Variants in TRABD2B observed in about 807,000 individuals in gnomAD.
TRABD2B encodes the protein metalloprotease TIKI2.
A neutral mutation model predicts 40.1 loss-of-function variants in TRABD2B; 14 were observed. The observed-to-expected ratio is 0.35, with a 90% CI of 0.23 to 0.55. The LOEUF (loss-of-function observed/expected upper bound fraction) is 0.55. TRABD2B is among the 20% of genes least tolerant of loss of function. The pLI, the probability that TRABD2B is intolerant of heterozygous loss-of-function variation, is 0.90. For synonymous variants in TRABD2B, 263 were observed against 277.0 expected (o/e 0.95, Z 0.50); for missense variants, 541 against 648.6 (o/e 0.83, Z 1.80).
intron 2 of TRABD2B, among the ~76,000 whole-genome samples, chr1:47,840,029 C>T (rs992216909): frequency 1.3e-5 from 2 of 152,130 alleles, no homozygotes; most frequent in African/African-American, 2.4e-5. Flanking sequence ...GAGTGTTTAC[C>T]TCCTCGGATT....
chr1:47,950,326 G>A (rs1348172352), intron 2 of TRABD2B, among the ~76,000 whole-genome samples: 1 of 152,008 alleles, frequency 6.6e-6, no homozygotes. Context: ...GAAGAGAGAG[G>A]TAAGGTGTTC....
intron 2 of TRABD2B, among the ~76,000 whole-genome samples, chr1:47,885,164 T>C (rs988823372): frequency 1.3e-5 from 2 of 152,236 alleles, no homozygotes; most frequent in Admixed American, 6.5e-5. Context: ...CAAGGTGCCA[T>C]GCTTTCTCTC....
intron 6 of TRABD2B, 115 bp downstream of exon 6, chr1:47,775,055 C>T (rs905687559): frequency 3.7e-6 from 4 of 1,075,790 alleles, no homozygotes; most frequent in Middle Eastern, 3.4e-4. Flanking sequence ...ACCTGCCACA[C>T]TTCCTTAGAG....
chr1:47,917,469 C>G (rs1227649889), intron 2 of TRABD2B, among the ~76,000 whole-genome samples: 1 of 152,142 alleles, frequency 6.6e-6, no homozygotes, highest in Non-Finnish European at 1.5e-5. Context: ...GCCTGTAATC[C>G]CAACACTCTG....
At chr1:47,851,478 G>A (rs1645548874) in intron 2 of TRABD2B, among the ~76,000 whole-genome samples, 1 of 152,170 alleles carries the variant, frequency 6.6e-6, no homozygotes, top group African/African-American at 2.4e-5. Context: ...GGAAAAAGAG[G>A]GAGGAAGGGA....
intron 3 of TRABD2B, among the ~76,000 whole-genome samples, chr1:47,796,236 C>T (rs1463268981): frequency 6.6e-6 from 1 of 152,204 alleles, no homozygotes; most frequent in South Asian, 2.1e-4. Context: ...TCTTTCCTCA[C>T]AACCTGTCAG....
chr1:47,963,258 T>C (rs1645548255), intron 2 of TRABD2B, among the ~76,000 whole-genome samples: 1 of 152,202 alleles, frequency 6.6e-6, no homozygotes, highest in Non-Finnish European at 1.5e-5. Context: ...ATTCAAGACA[T>C]GCATGTTGAA....
intron 2 of TRABD2B, among the ~76,000 whole-genome samples, chr1:47,857,771 C>T (rs930713481): frequency 6.6e-6 from 1 of 152,062 alleles, no homozygotes; most frequent in Non-Finnish European, 1.5e-5. Context: ...AGCCACTGGC[C>T]CTTGCTTCTC....
rs116574770 is a variant in TRABD2B, at chr1:47,979,696, A to G, written c.666+14338T>C. On this transcript the variant is annotated intron_variant, in intron 2 of 6. Coordinates refer to ENST00000606738, the MANE Select transcript of TRABD2B (RefSeq NM_001194986.2). ...ACAAATAAATCACATAAAATAAGTGACACAAAATGCAGGAAATGTTATCCT... is the reference window on the plus strand; with the variant it reads ...ACAAATAAATCACATAAAATAAGTGGCACAAAATGCAGGAAATGTTATCCT... Among the ~76,000 whole-genome samples, 1,258 of 152,322 alleles carry G rather than the reference A, an allele frequency of 8.3e-3. 9 individuals carry two copies. Among genetic ancestry groups the G allele is most frequent in the Non-Finnish European group, 0.014 (938 of 68,032 alleles).
chr1:47,790,641 C>T (rs1399764609), intron 4 of TRABD2B, among the ~76,000 whole-genome samples: 5 of 152,308 alleles, frequency 3.3e-5, no homozygotes, highest in Admixed American at 1.3e-4. Context: ...GGGAAATGGC[C>T]ACACCTGGGA....
At chr1:47,776,915 CA>C (rs1644455040) in intron 5 of TRABD2B, among the ~76,000 whole-genome samples, 1 of 152,148 alleles carries the variant, frequency 6.6e-6, no homozygotes, top group Non-Finnish European at 1.5e-5. Flanking sequence ...AACAGTCAGA[CA>C]AAAAGCTAGA....
chr1:47,869,350 A>T (rs564733596), intron 2 of TRABD2B, among the ~76,000 whole-genome samples: 165 of 152,362 alleles, frequency 1.1e-3, no homozygotes, highest in Non-Finnish European at 2.0e-3. Context: ...ATATTTTCTG[A>T]TTTCCAGCAA....
intron 2 of TRABD2B, among the ~76,000 whole-genome samples, chr1:47,900,216 G>A (rs1244532124): frequency 1.3e-5 from 2 of 152,114 alleles, no homozygotes; most frequent in African/African-American, 4.8e-5. Context: ...TGGAGGGACT[G>A]TTGGAAGATT....
intron 2 of TRABD2B, among the ~76,000 whole-genome samples, chr1:47,885,266 C>T (rs888200097): frequency 6.6e-6 from 1 of 152,230 alleles, no homozygotes; most frequent in Non-Finnish European, 1.5e-5. Context: ...TCCTTTGGGC[C>T]TAAGCTTAGT....
intron 2 of TRABD2B, among the ~76,000 whole-genome samples, chr1:47,891,160 T>C (rs1189398888): frequency 6.6e-6 from 1 of 152,204 alleles, no homozygotes; most frequent in Non-Finnish European, 1.5e-5. Flanking sequence ...TTAGTGTACA[T>C]AATAATGCTA....
At chr1:47,965,439 T>C (rs1282853512) in intron 2 of TRABD2B, among the ~76,000 whole-genome samples, 2 of 151,262 alleles carry the variant, frequency 1.3e-5, no homozygotes, top group Non-Finnish European at 2.9e-5. Context: ...TGCACTCCTG[T>C]GGATGAAGCC....
intron 2 of TRABD2B, among the ~76,000 whole-genome samples, chr1:47,805,508 C>A (rs971411891): frequency 9.2e-5 from 14 of 152,028 alleles, no homozygotes; most frequent in Admixed American, 5.2e-4. Flanking sequence ...TTTCCTTAGA[C>A]ACTTATCTCA....
At chr1:47,945,816 A>G (rs1391191542) in intron 2 of TRABD2B, among the ~76,000 whole-genome samples, 4 of 152,048 alleles carry the variant, frequency 2.6e-5, no homozygotes, top group Non-Finnish European at 5.9e-5. Flanking sequence ...CAGTTTAGGG[A>G]TATTTGGGTT....
chr1:47,845,733 C>T (rs1645459779), intron 2 of TRABD2B, among the ~76,000 whole-genome samples: 1 of 152,200 alleles, frequency 6.6e-6, no homozygotes, highest in Non-Finnish European at 1.5e-5. Context: ...TATATGACCA[C>T]AGACAATGTG....
Sources: gnomAD v4.1 joint callset for allele counts (sites outside exome capture counted in the v4.1 genomes callset) on GRCh38, gnomAD v4.1.1 for gene constraint, MANE v1.5 for transcripts, NCBI Gene and HGNC (gene_info 2026-07-23, HGNC 2026-07-21) for gene names.